The following NIN variants were observed in gnomAD, a reference collection of about 807,000 sequenced individuals.
NIN encodes glycogen synthase kinase 3 beta-interacting protein.
NIN carries 137 observed loss-of-function variants against 257.6 expected under a neutral mutation model. The ratio of observed to expected loss-of-function variants is 0.53; its 90% CI spans 0.46 to 0.61. The LOEUF is 0.61. NIN is among the 20% of genes least tolerant of loss of function. The pLI is 0.00. For synonymous variants in NIN, 918 were observed against 919.8 expected, an observed-to-expected ratio of 1.00 and a Z score of 0.04; for missense variants, 2,439 against 2,501.2, an observed-to-expected ratio of 0.98 and a Z score of 0.53.
intron 4 of NIN, among the ~76,000 whole-genome samples, chr14:50,799,498 T>C (rs957762867): frequency 6.6e-6 from 1 of 152,214 alleles, no homozygotes; most frequent in Non-Finnish European, 1.5e-5. Flanking sequence ...AAGATTAGTG[T>C]AATGACGTTA....
Position 50,723,511 on chromosome 14 carries a change from C to T in NIN, c.6354G>A (p.Arg2118=). The T allele has an allele frequency of 1.2e-6, 2 of 1,613,262 alleles. No homozygotes were observed. The highest frequency in any genetic ancestry group is 1.1e-5 in the South Asian group (1 of 91,038). ...EKIASLSNIV[R]NLTPAPLTST... ...AAGTCAATGGCGCTGGTGTCAGATT[C>T]CTAACTATATTACTGAGGCTGGCAA... Residue 2118 remains arginine, a synonymous_variant, in exon 31 of 31, where the codon AGG becomes AGA. Coordinates refer to ENST00000530997, the MANE Select transcript of NIN (RefSeq NM_020921.4).
intron 3 of NIN, among the ~76,000 whole-genome samples, chr14:50,819,118 G>A (rs2045075557): frequency 1.3e-5 from 2 of 152,192 alleles, no homozygotes; most frequent in Non-Finnish European, 1.5e-5. Flanking sequence ...CATAGAGGAA[G>A]CTTAGAAGTT....
chr14:50,759,459 G>A (rs971424978), intron 17 of NIN, among the ~76,000 whole-genome samples: 1 of 151,306 alleles, frequency 6.6e-6, no homozygotes, highest in Non-Finnish European at 1.5e-5. Context: ...GGGCTATTAT[G>A]CCTTCTGACT....
intron 26 of NIN, among the ~76,000 whole-genome samples, chr14:50,738,886 T>C (rs912755223): frequency 3.3e-5 from 5 of 152,162 alleles, no homozygotes; most frequent in Non-Finnish European, 7.3e-5. Context: ...AAGTTGGTGG[T>C]TGGAAAAGAC....
rs1401626422 is a variant in NIN, at chr14:50,723,008, C to CTA, written c.*453_*454dup. ...TGTCTACCAATTCAAAGAACCAAAA[C>CTA]TATTATAATGACTTTCCAGTATTTA... On this transcript the variant is annotated 3_prime_UTR_variant, in exon 31 of 31. Coordinates refer to ENST00000530997, the MANE Select transcript of NIN (RefSeq NM_020921.4). The CTA allele has an allele frequency of 4.7e-6, 1 of 211,438 alleles. No individual in the cohort carries two copies. Among genetic ancestry groups the CTA allele is most frequent in the East Asian group, 7.4e-5 (1 of 13,568 alleles). 13.1% of individuals were successfully genotyped at this position (211,438 alleles called of 1,614,324 possible).
rs552289715 is a variant in NIN, at chr14:50,748,010, T to C, written c.5046A>G (p.Glu1682=). Residue 1682 remains glutamate (E), a synonymous_variant, in exon 22 of 31, where the codon GAA becomes GAG. Transcript: ENST00000530997. ...VQQENHLLKD[E]LEKMKQLHRC... Reference sequence around the variant, plus strand: ...GCCTTACCTGTTTCATTTTCTCCAGTTCATCTTTGAGAAGGTGGTTTTCCT... The same window carrying C: ...GCCTTACCTGTTTCATTTTCTCCAGCTCATCTTTGAGAAGGTGGTTTTCCT... The C allele has an allele frequency of 3.1e-6, 5 of 1,612,606 alleles. No individual in the cohort carries two copies. Among genetic ancestry groups the C allele is most frequent in the East Asian group, 4.5e-5 (2 of 44,860 alleles).
chr14:50,743,468 C>G lies in NIN; in HGVS notation c.5249G>C (p.Trp1750Ser). 1.2e-6 allele frequency: 2 copies of G among 1,613,880 alleles called. No individual in the cohort carries two copies. Among genetic ancestry groups the G allele is most frequent in the Non-Finnish European group, 1.7e-6 (2 of 1,179,796 alleles). The change falls in exon 24 of 31, where the codon TGG becomes TCG. Residue 1750 changes from tryptophan to serine, a missense_variant. Trp to Ser is a radical substitution (Grantham distance 177). Transcript: ENST00000530997. ...CTTTAAGCTCGCACTCTGATGTTCC[C>G]AGGATTTCTGTTCCTGCTTCATCGT... ...IATMKQEQKS[W>S]EHQSASLKSQ... is the part of the protein sequence containing the mutation.
At chr14:50,786,218 C>T (rs1595868016) in intron 5 of NIN, among the ~76,000 whole-genome samples, 1 of 152,176 alleles carries the variant, frequency 6.6e-6, no homozygotes, top group East Asian at 1.9e-4. Context: ...TTAAAAAATA[C>T]CTTTCCTGCT....
chr14:50,810,385 TACA>T (rs1317823430), intron 3 of NIN, among the ~76,000 whole-genome samples: 3 of 152,188 alleles, frequency 2.0e-5, no homozygotes, highest in African/African-American at 4.8e-5. Context: ...AAGCTAAAAG[TACA>T]AGGAGTAATT....
chr14:50,760,920 C>T (rs1207400207), intron 16 of NIN, among the ~76,000 whole-genome samples: 4 of 152,222 alleles, frequency 2.6e-5, no homozygotes, highest in Admixed American at 1.3e-4. Context: ...CTGCCCACCT[C>T]GACCTCCCAA....
chr14:50,754,461 G>T, intron 20 of NIN, 102 bp downstream of exon 20: 2 of 866,354 alleles, frequency 2.3e-6, no homozygotes, highest in African/African-American at 1.7e-5. Flanking sequence ...ACCATCATTA[G>T]CTATATGCTA....
intron 17 of NIN, 120 bp from the exon 18 acceptor site, chr14:50,758,750 T>C: frequency 1.2e-6 from 1 of 852,506 alleles, no homozygotes. Flanking sequence ...TCCCTAAAAA[T>C]GCTCTTAACT....
Position 50,748,110 on chromosome 14 carries a change from G to C in NIN, c.4951-5C>G. On this transcript the variant is annotated splice_region_variant and splice_polypyrimidine_tract_variant and intron_variant, in intron 21 of 30. Transcript: ENST00000530997. ...AGAAGACACTAAAGTGGAGGACTAA[G>C]AGAAAAATGAAAAAGTCAAATAACA... 6.3e-7 allele frequency: 1 copy of C among 1,592,952 alleles called. No individual in the cohort carries two copies. Among genetic ancestry groups the C allele is most frequent in the Non-Finnish European group, 8.6e-7 (1 of 1,161,564 alleles).
chr14:50,765,078 A>T (rs540699483), intron 14 of NIN, among the ~76,000 whole-genome samples: 3,470 of 149,564 alleles, frequency 0.023, 69 homozygotes, highest in Non-Finnish European at 0.037. Flanking sequence ...AAAAAAAAAA[A>T]AAAAAAAAAA....
rs149567871 is a variant in NIN, at chr14:50,749,830, T to C, written c.4951-1725A>G. 5.3e-3 allele frequency among the ~76,000 whole-genome samples: 813 copies of C among 152,102 alleles called. 10 individuals are homozygous for C. The highest frequency in any genetic ancestry group is 0.018 in the African/African-American group (745 of 41,506). ...TCAGCCTCCTGAATAGCTGGGACTA[T>C]AGGGGCATGCCACCATGCCCTACTA... On this transcript the variant is annotated intron_variant, in intron 21 of 30. Transcript: ENST00000530997.
At chr14:50,727,685 G>A (rs371558652) in intron 29 of NIN, 1 of 1,440,650 alleles carries the variant, frequency 6.9e-7, no homozygotes, top group African/African-American at 1.4e-5. Flanking sequence ...TAGCAGCCCA[G>A]TTTTCACAGG....
intron 3 of NIN, among the ~76,000 whole-genome samples, chr14:50,807,457 T>C (rs778856098): frequency 2.6e-5 from 4 of 152,240 alleles, no homozygotes; most frequent in Non-Finnish European, 4.4e-5. Context: ...TTTAAGTAAA[T>C]AGTCAGAACT....
In NIN at chr14:50,735,565, T is replaced by C. The variant is rs755895262; in HGVS notation, c.5828A>G (p.Asn1943Ser). 6 of 1,612,796 alleles carry C rather than the reference T, an allele frequency of 3.7e-6. No individual in the cohort carries two copies. The highest frequency in any genetic ancestry group is 3.4e-6 in the Non-Finnish European group (4 of 1,180,010). ...TACTTGTTTCTTTTTCAGGCCTTCA[T>C]TTTCCAAATGAATTGTTTCTAATTC... ...EQELETIHLE[N>S]EGLKKKQVKL... The change falls in exon 28 of 31, where the codon AAT becomes AGT. Residue 1943 changes from asparagine (N) to serine (S), a missense_variant. Physicochemically the swap from Asn to Ser is conservative, Grantham distance 46. Around this residue, in one of 3 missense-constraint regions of NIN, gnomAD observed 2,043 missense variants for 2,050.2 expected, o/e 1.00. Transcript: ENST00000530997.
chr14:50,757,185 T>G lies in NIN; in HGVS notation c.3845A>C (p.Glu1282Ala). 1 of 1,613,564 alleles carries G rather than the reference T, an allele frequency of 6.2e-7. No individual in the cohort carries two copies. The highest frequency in any genetic ancestry group is 8.5e-7 in the Non-Finnish European group (1 of 1,179,874). ...CAACCTGAAAACCTCTGCAGTGAGT[T>G]CTTTGTTATTTTCTAGTGCCTCATC... ...RYDEALENNK[E>A]LTAEVFRLQD... The change falls in exon 18 of 31, where the codon GAA (glutamate) becomes GCA (alanine). Residue 1282 changes from glutamate (E) to alanine (A), a missense_variant. Physicochemically the swap from Glu to Ala is moderately radical, Grantham distance 107. Transcript: ENST00000530997.
Sources: gnomAD v4.1 joint callset for allele counts (sites outside exome capture counted in the v4.1 genomes callset) on GRCh38, gnomAD v4.1.1 for gene constraint, gnomAD v4.1.1 regional missense constraint, MANE v1.5 for transcripts, NCBI Gene and HGNC (gene_info 2026-07-23, HGNC 2026-07-21) for gene names.